The following KCNU1 variants were observed in gnomAD, a reference collection of about 807,000 sequenced individuals.
KCNU1 encodes potassium calcium-activated channel subfamily U member 1, also known as potassium channel subfamily U member 1.
Under a neutral mutation model 126.8 loss-of-function variants are expected in KCNU1, and 93 were observed. The ratio of observed to expected loss-of-function variants is 0.73; its 90% CI spans 0.62 to 0.87. KCNU1 has a LOEUF of 0.87. Among genes scored for constraint, KCNU1 ranks in the 40% least tolerant of loss-of-function variants. The pLI, the probability that KCNU1 is intolerant of heterozygous loss-of-function variation, is 0.00. For synonymous variants in KCNU1, 523 were observed against 494.2 expected (o/e 1.06, Z -0.77); for missense variants, 1,330 against 1,367.1 (o/e 0.97, Z 0.43).
chr8:36,854,762 A>G (rs1805473866), intron 18 of KCNU1, among the ~76,000 whole-genome samples: 1 of 151,992 alleles, frequency 6.6e-6, no homozygotes, highest in Non-Finnish European at 1.5e-5. Context: ...CCTTTTTCCT[A>G]TGTATTTTTA....
chr8:36,787,758 T>C (rs946385878), intron 2 of KCNU1, among the ~76,000 whole-genome samples: 12 of 147,894 alleles, frequency 8.1e-5, no homozygotes, highest in African/African-American at 2.9e-4. Context: ...TATGTAATTG[T>C]ATAGAATATT....
intron 18 of KCNU1, among the ~76,000 whole-genome samples, chr8:36,863,326 A>G (rs1805793482): frequency 6.6e-6 from 1 of 152,174 alleles, no homozygotes. Context: ...TAGTCCAAGC[A>G]CAGAAATAAT....
chr8:36,845,652 T>G lies in KCNU1; in HGVS notation c.1776T>G (p.Thr592=). The change falls in exon 17 of 27, where the codon ACT becomes ACG. Residue 592 remains threonine (T), a synonymous_variant. Coordinates refer to ENST00000399881, the MANE Select transcript of KCNU1 (RefSeq NM_001031836.3). ...KNTLGFFIAE[T]PKDVRRALFY... is the part of the protein sequence containing the mutation. ...CATTAGGGTTCTTTATTGCTGAAAC[T>G]CCAAAGGACGTCAGAAGGTAATTTT... 1.2e-6 allele frequency: 2 copies of G among 1,606,468 alleles called. No homozygotes were observed. Among genetic ancestry groups the G allele is most frequent in the Non-Finnish European group, 1.7e-6 (2 of 1,173,178 alleles).
intron 2 of KCNU1, among the ~76,000 whole-genome samples, chr8:36,790,117 C>A (rs369904556): frequency 6.8e-4 from 103 of 152,132 alleles, no homozygotes; most frequent in African/African-American, 2.4e-3. Flanking sequence ...CAAAAGTAAG[C>A]CAGGAAAATG....
At chr8:36,930,131 G>T (rs968904255) in intron 24 of KCNU1, among the ~76,000 whole-genome samples, 1 of 151,962 alleles carries the variant, frequency 6.6e-6, no homozygotes, top group Non-Finnish European at 1.5e-5. Flanking sequence ...TAGATAAAAT[G>T]AAGGATGAAA....
At position 36,930,892 on chromosome 8, in the gene KCNU1, C is replaced by T. The variant is rs1808681285; in HGVS notation, c.2737-59C>T. ...CCACTAAATCTCCAAGCCTTTACCC[C>T]TCCACAGTTCACATATTGGCTCTTC... On this transcript the variant is annotated intron_variant, in intron 24 of 26. Transcript: ENST00000399881. 6 of 1,274,510 alleles carry T rather than the reference C, an allele frequency of 4.7e-6. No individual in the cohort carries two copies. In the Admixed American group the frequency reaches 9.1e-5, roughly 19 times the overall value. The allele number at this position is 1,274,510 out of a possible 1,614,324, so 79.0% of individuals were successfully genotyped here. A position where few individuals can be genotyped will look rare whatever the true frequency, so the allele number is the denominator to read the frequency against.
At chr8:36,882,727 G>A (rs1457721155) in intron 19 of KCNU1, among the ~76,000 whole-genome samples, 1 of 152,048 alleles carries the variant, frequency 6.6e-6, no homozygotes, top group Non-Finnish European at 1.5e-5. Flanking sequence ...GGGATTACAG[G>A]CATGCGCCAC....
intron 20 of KCNU1, among the ~76,000 whole-genome samples, chr8:36,908,655 T>G (rs937162024): frequency 6.6e-6 from 1 of 151,462 alleles, no homozygotes; most frequent in Non-Finnish European, 1.5e-5. Context: ...GGACACAGGA[T>G]GGGGAAATTA....
chr8:36,860,396 G>T (rs556283367), intron 18 of KCNU1, among the ~76,000 whole-genome samples: 1 of 152,094 alleles, frequency 6.6e-6, no homozygotes, highest in East Asian at 1.9e-4. Flanking sequence ...ATGATTTTTG[G>T]GTTCACAGCA....
chr8:36,831,093 A>C (rs1361570410), intron 10 of KCNU1, among the ~76,000 whole-genome samples: 1 of 151,880 alleles, frequency 6.6e-6, no homozygotes, highest in Non-Finnish European at 1.5e-5. Context: ...TGAACTCATC[A>C]TTTTTTATGG....
chr8:36,854,868 T>C (rs1236731184), intron 18 of KCNU1, among the ~76,000 whole-genome samples: 2 of 152,200 alleles, frequency 1.3e-5, no homozygotes, highest in African/African-American at 4.8e-5. Flanking sequence ...GATTCTCCAG[T>C]AGACTTTCCC....
chr8:36,835,274 G>A lies in KCNU1; in HGVS notation c.1295+406G>A, dbSNP rs550643864. On this transcript the variant is annotated intron_variant, in intron 12 of 26. Transcript: ENST00000399881. Reference sequence around the variant, plus strand: ...GGGATTTTTCTCTAGTAGTTGTGGTGAAAGATTATGCGTGGTCCGGTATGA... The same window carrying A: ...GGGATTTTTCTCTAGTAGTTGTGGTAAAAGATTATGCGTGGTCCGGTATGA... Among the ~76,000 whole-genome samples, 384 of 152,158 alleles carry A rather than the reference G, an allele frequency of 2.5e-3. 3 individuals are homozygous for A. Among genetic ancestry groups the A allele is most frequent in the African/African-American group, 8.9e-3 (369 of 41,526 alleles).
intron 10 of KCNU1, among the ~76,000 whole-genome samples, chr8:36,823,384 T>C (rs1216554120): frequency 1.3e-5 from 2 of 152,158 alleles, no homozygotes; most frequent in Admixed American, 1.3e-4. Context: ...TCCTCAGTTA[T>C]AGATGGTATT....
intron 23 of KCNU1, among the ~76,000 whole-genome samples, chr8:36,921,513 T>C (rs1808344710): frequency 6.6e-6 from 1 of 151,978 alleles, no homozygotes; most frequent in Non-Finnish European, 1.5e-5. Flanking sequence ...GCCCTATCTC[T>C]ACTAAAAATA....
chr8:36,902,660 A>C (rs1807464589), intron 19 of KCNU1, among the ~76,000 whole-genome samples: 1 of 152,142 alleles, frequency 6.6e-6, no homozygotes, highest in Non-Finnish European at 1.5e-5. Context: ...AGCGACTCTT[A>C]GATAGAAAGA....
chr8:36,888,500 A>T lies in KCNU1; in HGVS notation c.2010-17208A>T, dbSNP rs749923853. ...CATCACGATTATCTTCCAGGACCTC[A>T]TCAGCCACAATGAGATGTTCTCTGA... On this transcript the variant is annotated intron_variant, in intron 19 of 26. Transcript: ENST00000399881. 9.6e-6 allele frequency: 5 copies of T among 522,586 alleles called. No individual in the cohort carries two copies. The Admixed American group carries it at 9.9e-5, about 10-fold the overall frequency. The allele number at this position is 522,586 out of a possible 1,614,324, so 32.4% of individuals were successfully genotyped here.
chr8:36,815,267 T>C (rs1315451598), intron 8 of KCNU1, among the ~76,000 whole-genome samples: 1 of 151,826 alleles, frequency 6.6e-6, no homozygotes, highest in East Asian at 1.9e-4. Flanking sequence ...GAGGCAGAGG[T>C]TGCACCCCAG....
intron 19 of KCNU1, 34 bp from the exon 20 acceptor site, chr8:36,905,674 A>G: frequency 2.7e-6 from 3 of 1,123,702 alleles, no homozygotes; most frequent in Non-Finnish European, 4.1e-6. Context: ...AGCTCCAAAT[A>G]GTCTCAAACT....
At chr8:36,828,876 A>G (rs1199879597) in intron 10 of KCNU1, among the ~76,000 whole-genome samples, 1 of 152,132 alleles carries the variant, frequency 6.6e-6, no homozygotes, top group Non-Finnish European at 1.5e-5. Context: ...CCTATCAGGA[A>G]TGTGTAAGAG....
Sources: gnomAD v4.1 joint callset for allele counts (sites outside exome capture counted in the v4.1 genomes callset) on GRCh38, gnomAD v4.1.1 for gene constraint, MANE v1.5 for transcripts, NCBI Gene and HGNC (gene_info 2026-07-23, HGNC 2026-07-21) for gene names.